SNRPN: variants seen among roughly 807,000 people sequenced by gnomAD.
The protein encoded by SNRPN is small nuclear ribonucleoprotein-associated protein N.
In SNRPN, 7 loss-of-function variants were observed where a neutral mutation model predicts 25.2. That is an observed-to-expected ratio of 0.28 (90% CI 0.16 to 0.52). SNRPN has a LOEUF of 0.52. Ranked by LOEUF, SNRPN falls within the 20% of genes least tolerant of loss-of-function variation. The probability of loss-of-function intolerance (pLI) is 0.96; values close to 1 mark genes in which losing one functional copy is unlikely to be tolerated. For missense variants in SNRPN, 196 were observed against 322.5 expected (o/e 0.61, Z 3.00); for synonymous variants, 124 against 110.6 (o/e 1.12, Z -0.76).
chr15:24,975,206 A>G (rs2076931775), intron 4 of SNRPN, 152 bp from the exon 5 acceptor site: 1 of 660,806 alleles, frequency 1.5e-6, no homozygotes, highest in Non-Finnish European at 2.6e-6. Context: ...GAGCCATACT[A>G]AATATGGAAG....
At chr15:24,872,868 T>C (rs1427799788) in intron 1 of SNRPN, among the ~76,000 whole-genome samples, 1 of 56,440 alleles carries the variant, frequency 1.8e-5, no homozygotes, top group South Asian at 7.8e-4. Flanking sequence ...CGAGACTCCG[T>C]CTCAAAAAAA....
At position 24,870,835 on chromosome 15, in the gene SNRPN, G is replaced by A. The variant is rs185019672; in HGVS notation, c.-579+14119G>A. Reference sequence around the variant, plus strand: ...TTATTTTCTCTGTATTCCTCTATGGGATCCCTCAACCTACAAATAATTTTT... The same window carrying A: ...TTATTTTCTCTGTATTCCTCTATGGAATCCCTCAACCTACAAATAATTTTT... On this transcript the variant is annotated intron_variant, in intron 1 of 11. Transcript: ENST00000400097. Among the ~76,000 whole-genome samples the A allele has an allele frequency of 1.5e-3, 229 of 150,208 alleles. 6 individuals are homozygous for A. In the Middle Eastern group the frequency reaches 0.024, roughly 16 times the overall value.
At chr15:24,823,734 C>T (rs1168533026) in exon 1 of SNRPN, 1 of 152,216 alleles carries the variant, frequency 6.6e-6, no homozygotes, top group Non-Finnish European at 1.5e-5. Context: ...CCTGCCCTCT[C>T]TCTGGGGCTA....
chr15:24,964,243 G>A (rs1330724082), intron 2 of SNRPN, among the ~76,000 whole-genome samples: 2 of 152,084 alleles, frequency 1.3e-5, no homozygotes, highest in East Asian at 3.9e-4. Context: ...AGTATTTTGT[G>A]TAATATAATT....
chr15:24,863,315 A>C (rs2054179136), intron 1 of SNRPN, among the ~76,000 whole-genome samples: 1 of 150,680 alleles, frequency 6.6e-6, no homozygotes. Context: ...GAAACTGCAG[A>C]TAAGGGGGGT....
upstream of SNRPN, chr15:24,954,789 GC>G: frequency 1.8e-6 from 1 of 565,892 alleles, no homozygotes; most frequent in Non-Finnish European, 3.1e-6. Context: ...GTTTCTAGAG[GC>G]CCCCTCTCAT....
At chr15:24,927,933 G>A (rs899223745) in intron 3 of SNRPN, among the ~76,000 whole-genome samples, 2 of 152,074 alleles carry the variant, frequency 1.3e-5, no homozygotes, top group African/African-American at 2.4e-5. Flanking sequence ...GGCACAACAC[G>A]GTGTTTACTA....
chr15:24,873,526 C>T (rs1276452387), intron 1 of SNRPN, among the ~76,000 whole-genome samples: 1 of 149,448 alleles, frequency 6.7e-6, no homozygotes, highest in East Asian at 2.0e-4. Flanking sequence ...TGGCTCACTG[C>T]AAGCTCCGCC....
chr15:24,920,977 A>G (rs1488634534), intron 3 of SNRPN, among the ~76,000 whole-genome samples: 2 of 152,166 alleles, frequency 1.3e-5, no homozygotes, highest in Non-Finnish European at 2.9e-5. Context: ...ATAATGATTG[A>G]AAGAGTATGT....
chr15:24,839,197 T>C (rs1452198206), intron 2 of SNRPN, among the ~76,000 whole-genome samples: 3 of 151,994 alleles, frequency 2.0e-5, no homozygotes, highest in African/African-American at 7.3e-5. Context: ...TGATGTCCTA[T>C]CTTCAGTTGC....
chr15:24,859,187 C>T (rs1241902957), intron 1 of SNRPN, among the ~76,000 whole-genome samples: 1 of 152,218 alleles, frequency 6.6e-6, no homozygotes, highest in African/African-American at 2.4e-5. Context: ...GGTGTGCTTT[C>T]ATGGCGACTG....
At chr15:24,936,570 T>A (rs2061249857) in intron 3 of SNRPN, among the ~76,000 whole-genome samples, 1 of 152,150 alleles carries the variant, frequency 6.6e-6, no homozygotes, top group South Asian at 2.1e-4. Context: ...GGCTAATGGT[T>A]CTGAAGGCTC....
intron 1 of SNRPN, among the ~76,000 whole-genome samples, chr15:24,862,274 A>T (rs563772014): frequency 6.6e-6 from 1 of 151,288 alleles, no homozygotes; most frequent in East Asian, 1.9e-4. Context: ...GTCTGCAAGG[A>T]CAAAACTGTC....
At chr15:24,923,645 A>G (rs987122019) in intron 3 of SNRPN, among the ~76,000 whole-genome samples, 16 of 152,212 alleles carry the variant, frequency 1.1e-4, no homozygotes, top group Non-Finnish European at 8.8e-5. Context: ...AATGAACTGT[A>G]TCTACATGTA....
At chr15:24,950,580 G>C (rs1430969128), upstream of SNRPN, among the ~76,000 whole-genome samples, 1 of 78,230 alleles carries the variant, frequency 1.3e-5, no homozygotes. Flanking sequence ...GACAGGTTTT[G>C]CTCCATCACC....
rs1242866723 is a variant in SNRPN, at chr15:24,962,041, T to C, written c.-390-73T>C. The C allele has an allele frequency of 1.5e-5, 19 of 1,234,852 alleles. 1 individual carries two copies. The Admixed American group carries it at 3.2e-4, about 21-fold the overall frequency. The allele number at this position is 1,234,852 out of a possible 1,614,324, so 76.5% of individuals were successfully genotyped here. A position where few individuals can be genotyped will look rare whatever the true frequency, so the allele number is the denominator to read the frequency against. ...CCATTATATTAAATGTAGTTCTAAA[T>C]ATAACCTTGACAAATAGTTATTTCA... On this transcript the variant is annotated intron_variant, in intron 1 of 9. Coordinates refer to ENST00000390687, the MANE Select transcript of SNRPN (RefSeq NM_003097.6).
intron 1 of SNRPN, among the ~76,000 whole-genome samples, chr15:24,882,662 TA>T (rs1291395582): frequency 6.6e-6 from 1 of 151,780 alleles, no homozygotes; most frequent in African/African-American, 2.4e-5. Flanking sequence ...CTGTCTCTAC[TA>T]AAAATACAAA....
intron 2 of SNRPN, among the ~76,000 whole-genome samples, chr15:24,912,073 G>A (rs1253246621): frequency 6.6e-6 from 1 of 152,216 alleles, no homozygotes; most frequent in African/African-American, 2.4e-5. Context: ...CACACCTCAA[G>A]ATTGAATTTT....
upstream of SNRPN, among the ~76,000 whole-genome samples, chr15:24,952,795 C>T (rs1031089170): frequency 6.6e-6 from 1 of 151,946 alleles, no homozygotes; most frequent in African/African-American, 2.4e-5. Context: ...AAGTACCAAG[C>T]ACTGTAAAAA....
Sources: gnomAD v4.1 joint callset for allele counts (sites outside exome capture counted in the v4.1 genomes callset) on GRCh38, gnomAD v4.1.1 for gene constraint, MANE v1.5 for transcripts, NCBI Gene and HGNC (gene_info 2026-07-23, HGNC 2026-07-21) for gene names.